Variants in PRKG1 observed in about 807,000 individuals in gnomAD.
The protein encoded by PRKG1 is cGMP-dependent protein kinase 1.
PRKG1 carries 35 observed loss-of-function variants against 88.1 expected under a neutral mutation model. The ratio of observed to expected loss-of-function variants is 0.40; its 90% CI spans 0.30 to 0.53. The LOEUF (loss-of-function observed/expected upper bound fraction) is 0.53. Ranked by LOEUF, PRKG1 falls within the 20% of genes least tolerant of loss-of-function variation. The pLI, the probability that PRKG1 is intolerant of heterozygous loss-of-function variation, is 0.59. For missense variants in PRKG1, 540 were observed against 839.8 expected, an observed-to-expected ratio of 0.64 and a Z score of 4.41; for synonymous variants, 303 against 292.5, an observed-to-expected ratio of 1.04 and a Z score of -0.37.
intron 5 of PRKG1, among the ~76,000 whole-genome samples, chr10:52,037,311 C>T (rs956553497): frequency 3.9e-5 from 6 of 152,196 alleles, no homozygotes; most frequent in African/African-American, 1.4e-4. Context: ...GGAGATGTGG[C>T]TGGGGTTTGT....
intron 2 of PRKG1, among the ~76,000 whole-genome samples, chr10:51,464,760 G>A (rs1434486815): frequency 2.0e-5 from 3 of 149,936 alleles, no homozygotes; most frequent in African/African-American, 7.3e-5. Flanking sequence ...GCGTAGTGGC[G>A]GGCGCCTGTA....
chr10:52,240,171 T>C (rs1840822507), intron 9 of PRKG1, among the ~76,000 whole-genome samples: 1 of 152,170 alleles, frequency 6.6e-6, no homozygotes, highest in Non-Finnish European at 1.5e-5. Context: ...AATGACTACA[T>C]TGGCAGGATC....
chr10:51,958,469 T>C (rs1275704042), intron 5 of PRKG1, among the ~76,000 whole-genome samples: 1 of 152,042 alleles, frequency 6.6e-6, no homozygotes, highest in Non-Finnish European at 1.5e-5. Context: ...ACCAGAGTTT[T>C]TTTTAGGATA....
intron 1 of PRKG1, among the ~76,000 whole-genome samples, chr10:51,055,365 A>C (rs979291467): frequency 6.6e-6 from 1 of 152,222 alleles, no homozygotes; most frequent in East Asian, 1.9e-4. Flanking sequence ...TCATTAAAAA[A>C]AAATCTTAAT....
chr10:52,135,926 T>C (rs573056751), intron 8 of PRKG1, among the ~76,000 whole-genome samples: 1 of 152,186 alleles, frequency 6.6e-6, no homozygotes, highest in South Asian at 2.1e-4. Context: ...GGAAATCCTT[T>C]CATTTAAGCA....
rs925029122 is a variant in PRKG1 at position 51,004,884 on chromosome 10, A to G, written c.266+13240A>G. Reference sequence around the variant, plus strand: ...TAATGATTTGTTTTTCTTTTCATCAAAATAAATTTTTGATATTCTAGCTCC... The same window carrying G: ...TAATGATTTGTTTTTCTTTTCATCAGAATAAATTTTTGATATTCTAGCTCC... On this transcript the variant is annotated intron_variant, in intron 1 of 17. Coordinates refer to the PRKG1 transcript ENST00000401604. Among the ~76,000 whole-genome samples, 98 of 152,318 alleles carry G rather than the reference A, an allele frequency of 6.4e-4. 2 individuals carry two copies. The highest frequency in any genetic ancestry group is 2.1e-4 in the South Asian group (1 of 4,826).
At chr10:52,162,972 G>A (rs1838318133) in intron 9 of PRKG1, among the ~76,000 whole-genome samples, 1 of 152,090 alleles carries the variant, frequency 6.6e-6, no homozygotes, top group South Asian at 2.1e-4. Context: ...TTATGTTCTG[G>A]ATAATTAGTA....
chr10:52,287,014 A>G (rs1318930187), intron 14 of PRKG1, among the ~76,000 whole-genome samples: 1 of 151,972 alleles, frequency 6.6e-6, no homozygotes, highest in African/African-American at 2.4e-5. Context: ...TATTGAATGA[A>G]TATTAGACTA....
chr10:51,402,624 C>T (rs950439142), intron 2 of PRKG1, among the ~76,000 whole-genome samples: 2 of 152,194 alleles, frequency 1.3e-5, no homozygotes, highest in African/African-American at 4.8e-5. Flanking sequence ...TACCAGGCCT[C>T]TCCTGGTGGT....
intron 3 of PRKG1, among the ~76,000 whole-genome samples, chr10:51,528,906 C>T (rs768361454): frequency 5.4e-4 from 82 of 152,052 alleles, no homozygotes; most frequent in Non-Finnish European, 8.8e-4. Context: ...GGGAATTCTC[C>T]AAACAGGTCA....
At chr10:51,269,005 A>G (rs1444905061) in intron 2 of PRKG1, among the ~76,000 whole-genome samples, 1 of 152,128 alleles carries the variant, frequency 6.6e-6, no homozygotes, top group East Asian at 1.9e-4. Flanking sequence ...AGAATCTTCA[A>G]GGAACTCAAA....
intron 3 of PRKG1, among the ~76,000 whole-genome samples, chr10:51,801,208 T>C (rs888069120): frequency 1.3e-5 from 2 of 152,124 alleles, no homozygotes; most frequent in African/African-American, 4.8e-5. Context: ...ACATATGGTC[T>C]CTGTTGCAAT....
chr10:51,431,051 C>A lies in PRKG1; in HGVS notation c.479-36672C>A, dbSNP rs574341141. Among the ~76,000 whole-genome samples the A allele has an allele frequency of 2.0e-5, 3 of 152,032 alleles. No individual in the cohort carries two copies. In the East Asian group the frequency reaches 5.8e-4, roughly 29 times the overall value. On this transcript the variant is annotated intron_variant, in intron 2 of 17. Coordinates refer to ENST00000373980, the MANE Select transcript of PRKG1 (RefSeq NM_006258.4). ...ACAAATTAACTGAACATAAATTGTA[C>A]AAATGGGCAAATTTTATTGTATGTA...
chr10:52,169,309 G>A (rs968135915), intron 9 of PRKG1, among the ~76,000 whole-genome samples: 3 of 152,182 alleles, frequency 2.0e-5, no homozygotes, highest in Non-Finnish European at 4.4e-5. Context: ...TGGAGGCTGT[G>A]AAGTCCAAGA....
At chr10:51,590,820 G>T (rs1353314669) in intron 3 of PRKG1, among the ~76,000 whole-genome samples, 1 of 151,942 alleles carries the variant, frequency 6.6e-6, no homozygotes, top group Non-Finnish European at 1.5e-5. Flanking sequence ...ATATGGGGGG[G>T]GTGGGGTGGT....
At chr10:52,087,036 G>C (rs761380115) in intron 7 of PRKG1, among the ~76,000 whole-genome samples, 15 of 152,146 alleles carry the variant, frequency 9.9e-5, no homozygotes, top group Non-Finnish European at 1.8e-4. Flanking sequence ...CCTCCTACTG[G>C]GTCCTTCCCA....
intron 9 of PRKG1, among the ~76,000 whole-genome samples, chr10:52,163,190 T>C (rs1346914614): frequency 6.6e-6 from 1 of 151,572 alleles, no homozygotes; most frequent in Non-Finnish European, 1.5e-5. Context: ...AAATTCATTC[T>C]TTTATAATTT....
chr10:51,943,348 T>G (rs1842951921), intron 5 of PRKG1, among the ~76,000 whole-genome samples: 3 of 151,948 alleles, frequency 2.0e-5, no homozygotes, highest in Admixed American at 2.0e-4. Context: ...TTAAGGAGAT[T>G]TTGGGCTGAG....
At chr10:51,212,650 G>A (rs964858105) in intron 2 of PRKG1, among the ~76,000 whole-genome samples, 8 of 152,096 alleles carry the variant, frequency 5.3e-5, no homozygotes, top group Non-Finnish European at 1.0e-4. Flanking sequence ...TCAAAAAGTG[G>A]GCAAAGGATA....
Sources: allele counts gnomAD v4.1 joint callset (sites outside exome capture counted in the v4.1 genomes callset), GRCh38; gene constraint gnomAD v4.1.1; transcripts MANE v1.5; gene names NCBI Gene and HGNC (gene_info 2026-07-23, HGNC 2026-07-21).